Variants in ALPK2 observed in about 807,000 individuals in gnomAD.
ALPK2 encodes alpha-protein kinase 2.
In ALPK2, 127 loss-of-function variants were observed where a neutral mutation model predicts 163.1. That is an observed-to-expected ratio of 0.78 (90% CI 0.67 to 0.90). The LOEUF (loss-of-function observed/expected upper bound fraction) is 0.90, where lower values mean the gene tolerates loss of function less well. Among genes scored for constraint, ALPK2 ranks in the 40% least tolerant of loss-of-function variants. ALPK2 has a pLI of 0.00. For synonymous variants in ALPK2, 953 were observed against 959.1 expected, an observed-to-expected ratio of 0.99 and a Z score of 0.12; for missense variants, 2,360 against 2,589.6, an observed-to-expected ratio of 0.91 and a Z score of 1.92.
At chr18:58,503,502 G>A (rs2051444012) in intron 11 of ALPK2, among the ~76,000 whole-genome samples, 2 of 152,134 alleles carry the variant, frequency 1.3e-5, no homozygotes, top group Admixed American at 1.3e-4. Flanking sequence ...GACCAGCCTG[G>A]GAAACCGTCC....
intron 4 of ALPK2, among the ~76,000 whole-genome samples, chr18:58,551,593 T>G (rs2051760595): frequency 6.6e-6 from 1 of 152,210 alleles, no homozygotes; most frequent in South Asian, 2.1e-4. Context: ...GCCTGTCCTT[T>G]TGGCCCCCCA....
chr18:58,613,708 A>AATAATAATAAT (rs1555678003), intron 1 of ALPK2, among the ~76,000 whole-genome samples: 2 of 95,216 alleles, frequency 2.1e-5, no homozygotes, highest in Non-Finnish European at 4.4e-5. Flanking sequence ...CAAAAAAAAA[A>AATAATAATAAT]AATAATAATA....
rs1344062737 is a variant in ALPK2, at chr18:58,534,938, T to C, written c.5249A>G (p.Lys1750Arg). 4 of 1,614,076 alleles carry C rather than the reference T, an allele frequency of 2.5e-6. No individual in the cohort carries two copies. Among genetic ancestry groups the C allele is most frequent in the South Asian group, 1.1e-5 (1 of 91,074 alleles). Residue 1750 changes from lysine to arginine, a missense_variant, in exon 5 of 13, where the codon AAG becomes AGG. By Grantham distance (26) the Lys-to-Arg change is conservative. Transcript: ENST00000361673. ...CATCTTTTTAAGAAAGGCTGAGTTC[T>C]TTCTGATATTTTCCTTTTCTTCCAG... ...LKLEEKENIR[K>R]NSAFLKKMPK...
chr18:58,549,433 A>G (rs750011472), intron 4 of ALPK2, among the ~76,000 whole-genome samples: 7 of 152,242 alleles, frequency 4.6e-5, no homozygotes, highest in Non-Finnish European at 1.0e-4. Context: ...AAGGAAAAAT[A>G]ACAATTCACA....
chr18:58,539,355 G>A lies in ALPK2; in HGVS notation c.1963-1131C>T, dbSNP rs531263663. 7.2e-5 allele frequency among the ~76,000 whole-genome samples: 11 copies of A among 152,270 alleles called. No homozygotes were observed. The East Asian group carries it at 2.1e-3, about 29-fold the overall frequency. The stretch of plus-strand genomic sequence containing the variant: ...AAAAGGGGAGAGGGGGAGGGAGGGA[G>A]GAAGAGAGGAAGGCAGAGAAAAAGA... On this transcript the variant is annotated intron_variant, in intron 4 of 12. Transcript: ENST00000361673.
At chr18:58,492,395 C>G (rs2051380217) in intron 12 of ALPK2, among the ~76,000 whole-genome samples, 1 of 152,198 alleles carries the variant, frequency 6.6e-6, no homozygotes, top group Non-Finnish European at 1.5e-5. Context: ...CTTGGCAGCA[C>G]ATTCCCTCTC....
At chr18:58,610,426 C>T (rs77003782) in intron 2 of ALPK2, among the ~76,000 whole-genome samples, 254 of 152,218 alleles carry the variant, frequency 1.7e-3, no homozygotes, top group Non-Finnish European at 2.8e-3. Flanking sequence ...TATCACTTCC[C>T]TACCCAATTG....
At chr18:58,513,158 G>A in intron 10 of ALPK2, among the ~76,000 whole-genome samples, 1 of 147,802 alleles carries the variant, frequency 6.8e-6, no homozygotes, top group Admixed American at 6.7e-5. Context: ...TATGTGTGGT[G>A]TGGGGGTGTG....
At chr18:58,489,236 G>C (rs776733699) in intron 12 of ALPK2, among the ~76,000 whole-genome samples, 1 of 152,178 alleles carries the variant, frequency 6.6e-6, no homozygotes, top group African/African-American at 2.4e-5. Flanking sequence ...TCTGAGGGGA[G>C]ATGCCGTCGG....
chr18:58,549,119 TAG>T (rs2051736050), intron 4 of ALPK2, among the ~76,000 whole-genome samples: 1 of 152,146 alleles, frequency 6.6e-6, no homozygotes, highest in Admixed American at 6.5e-5. Flanking sequence ...CTCTTTTGAG[TAG>T]AGAGAGAGAA....
chr18:58,568,803 A>G (rs142931925), intron 4 of ALPK2, among the ~76,000 whole-genome samples: 1 of 152,232 alleles, frequency 6.6e-6, no homozygotes, highest in African/African-American at 2.4e-5. Flanking sequence ...GAGGATGTAT[A>G]TAAGTTATTT....
At chr18:58,565,242 A>G (rs906253636) in intron 4 of ALPK2, among the ~76,000 whole-genome samples, 1 of 152,216 alleles carries the variant, frequency 6.6e-6, no homozygotes, top group Non-Finnish European at 1.5e-5. Flanking sequence ...TTGGGCCTTC[A>G]TGCAAGCTTC....
At chr18:58,554,334 G>A (rs956248919) in intron 4 of ALPK2, among the ~76,000 whole-genome samples, 1 of 152,218 alleles carries the variant, frequency 6.6e-6, no homozygotes, top group Admixed American at 6.5e-5. Context: ...TAAGAAATCT[G>A]CCACTCTTGT....
chr18:58,502,805 C>T (rs990104981), intron 11 of ALPK2, among the ~76,000 whole-genome samples: 12 of 152,192 alleles, frequency 7.9e-5, no homozygotes, highest in Admixed American at 7.9e-4. Flanking sequence ...GTTTTTTATC[C>T]GGCTTAGCTT....
intron 1 of ALPK2, among the ~76,000 whole-genome samples, chr18:58,622,459 C>T (rs532826413): frequency 6.6e-6 from 1 of 152,258 alleles, no homozygotes; most frequent in South Asian, 2.1e-4. Context: ...GTGACATTTC[C>T]AAGGTCACAC....
Position 58,481,273 on chromosome 18 carries a change from A to C in ALPK2, c.*550T>G, listed in dbSNP as rs1262712818. 2 of 156,784 alleles carry C rather than the reference A, an allele frequency of 1.3e-5. No homozygotes were observed. The highest frequency in any genetic ancestry group is 4.8e-5 in the African/African-American group (2 of 41,474). 9.7% of individuals were successfully genotyped at this position (156,784 alleles called of 1,614,324 possible). On this transcript the variant is annotated 3_prime_UTR_variant, in exon 13 of 13. Coordinates refer to ENST00000361673, the MANE Select transcript of ALPK2 (RefSeq NM_052947.4). ...TTTTGTTTAAATATGAATTTAATTAAACAGAAAATTGTAACTGGCTGTTGA... is the reference window on the plus strand; with the variant it reads ...TTTTGTTTAAATATGAATTTAATTACACAGAAAATTGTAACTGGCTGTTGA...
rs771683617 is a variant in ALPK2, at chr18:58,580,032, GT to G, written c.743del (p.Asn248ThrfsTer67). On this transcript the variant is annotated frameshift_variant, in exon 4 of 13. Coordinates refer to ENST00000361673, the MANE Select transcript of ALPK2 (RefSeq NM_052947.4). LOFTEE classifies it high-confidence loss of function. Reference protein sequence around the residue: ...MASKFTDGDLNNDGPHDEGLR... With the variant: ...MASKFTDGDLXNDGPHDEGLR... ...AGCCTTCATCATGAGGACCATCATT[GT>G]TCAGGTCACCATCCGTGAACTTTGA... 1 of 1,614,256 alleles carries G rather than the reference GT, an allele frequency of 6.2e-7. No homozygotes were observed. The highest frequency in any genetic ancestry group is 8.5e-7 in the Non-Finnish European group (1 of 1,180,044).
Position 58,481,740 on chromosome 18 carries a change from T to G in ALPK2, c.*83A>C. ...ATTGCCACGCACTCTCTGCAGGCTG[T>G]ATATTCTCTCCTGTGTGGCCTCAGA... is the stretch of plus-strand genomic sequence containing the variant. On this transcript the variant is annotated 3_prime_UTR_variant, in exon 13 of 13. Coordinates refer to ENST00000361673, the MANE Select transcript of ALPK2 (RefSeq NM_052947.4). 1 of 1,141,824 alleles carries G rather than the reference T, an allele frequency of 8.8e-7. No individual in the cohort carries two copies. The highest frequency in any genetic ancestry group is 1.3e-6 in the Non-Finnish European group (1 of 765,878). 70.7% of individuals were successfully genotyped at this position (1,141,824 alleles called of 1,614,324 possible).
Position 58,535,464 on chromosome 18 carries a change from G to C in ALPK2, c.4723C>G (p.Pro1575Ala), listed in dbSNP as rs2051639319. ...GGAAACACATACTGACGCTTTCTGG[G>C]CTCAACTATGTCATTTTCAGGGACG... ...HDVPENDIVE[P>A]RKRQYVFPVS... The change falls in exon 5 of 13, where the codon CCC becomes GCC. Residue 1575 changes from proline to alanine, a missense_variant. Transcript: ENST00000361673. 6.2e-6 allele frequency: 10 copies of C among 1,614,200 alleles called. No homozygotes were observed. Among genetic ancestry groups the C allele is most frequent in the Non-Finnish European group, 8.5e-6 (10 of 1,180,016 alleles).
Sources: allele counts gnomAD v4.1 joint callset (sites outside exome capture counted in the v4.1 genomes callset), GRCh38; gene constraint gnomAD v4.1.1; transcripts MANE v1.5; gene names NCBI Gene and HGNC (gene_info 2026-07-23, HGNC 2026-07-21).